The following CNKSR3 variants were observed in gnomAD, a reference collection of about 807,000 sequenced individuals.
CNKSR3 encodes the protein connector enhancer of kinase suppressor of ras 3.
CNKSR3 carries 36 observed loss-of-function variants against 67.7 expected under a neutral mutation model. That is an observed-to-expected ratio of 0.53 (90% CI 0.41 to 0.70). The LOEUF (loss-of-function observed/expected upper bound fraction) is 0.70. Among genes scored for constraint, CNKSR3 ranks in the 30% least tolerant of loss-of-function variants. The probability of loss-of-function intolerance (pLI) is 0.00; values close to 1 mark genes in which losing one functional copy is unlikely to be tolerated. For synonymous variants in CNKSR3, 281 were observed against 271.4 expected (o/e 1.04, Z -0.35); for missense variants, 630 against 695.2 (o/e 0.91, Z 1.05).
intron 1 of CNKSR3, among the ~76,000 whole-genome samples, chr6:154,455,134 A>AC (rs1341551852): frequency 3.4e-4 from 51 of 149,676 alleles, no homozygotes; most frequent in African/African-American, 1.2e-3. Flanking sequence ...ACATGGTGAA[A>AC]CCCCATCTCT....
At chr6:154,463,996 G>T (rs1183869450) in intron 1 of CNKSR3, among the ~76,000 whole-genome samples, 1 of 152,176 alleles carries the variant, frequency 6.6e-6, no homozygotes, top group African/African-American at 2.4e-5. Flanking sequence ...CCCATCAACA[G>T]GGCAGGAATT....
At chr6:154,454,915 A>T (rs1785919786) in intron 1 of CNKSR3, among the ~76,000 whole-genome samples, 1 of 152,140 alleles carries the variant, frequency 6.6e-6, no homozygotes, top group Admixed American at 6.5e-5. Context: ...CTATGTTATT[A>T]CCTTTCCCAG....
rs570344357 is a variant in CNKSR3 at position 154,441,177 on chromosome 6, C to A, written c.507+115G>T. 2.3e-5 allele frequency: 15 copies of A among 641,372 alleles called. No individual in the cohort carries two copies. The East Asian group carries it at 2.7e-4, about 11-fold the overall frequency. The allele number at this position is 641,372 out of a possible 1,614,324, so 39.7% of individuals were successfully genotyped here. On this transcript the variant is annotated intron_variant, in intron 4 of 12. Transcript: ENST00000607772. ...CTTCCCAGCTCTGATGGAAAAAAAA[C>A]TGAGGTGGGGAGAGGAGAGTAGTAC... is the stretch of plus-strand genomic sequence containing the variant.
chr6:154,464,139 T>C (rs145763851), intron 1 of CNKSR3, among the ~76,000 whole-genome samples: 13 of 152,342 alleles, frequency 8.5e-5, no homozygotes, highest in African/African-American at 3.1e-4. Context: ...TTTTGTTTCA[T>C]GCTTAATAAA....
At chr6:154,463,412 T>C (rs879640001) in intron 1 of CNKSR3, among the ~76,000 whole-genome samples, 3 of 150,086 alleles carry the variant, frequency 2.0e-5, no homozygotes, top group Non-Finnish European at 2.9e-5. Context: ...ATATTTATTA[T>C]GCAACCCACT....
At position 154,398,965 on chromosome 6, in the gene CNKSR3, GC is replaced by G. The variant is rs1784688542; in HGVS notation, c.*7388del. The G allele has an allele frequency of 6.6e-6, 1 of 152,064 alleles. No individual in the cohort carries two copies. The highest frequency in any genetic ancestry group is 2.4e-5 in the African/African-American group (1 of 41,368). 9.4% of individuals were successfully genotyped at this position (152,064 alleles called of 1,614,324 possible). On this transcript the variant is annotated 3_prime_UTR_variant, in exon 13 of 13. Transcript: ENST00000607772. ...GTGGTGGCACATGCCTGTAATCCCAGCTACTTGGGAGTCTGAGGCAGGAGAA... is the reference window on the plus strand; with the variant it reads ...GTGGTGGCACATGCCTGTAATCCCAGTACTTGGGAGTCTGAGGCAGGAGAA...
chr6:154,464,492 G>A (rs1422169960), intron 1 of CNKSR3, among the ~76,000 whole-genome samples: 6 of 152,040 alleles, frequency 3.9e-5, no homozygotes, highest in African/African-American at 1.4e-4. Context: ...CGAGGCCTGC[G>A]GAACATGAGG....
chr6:154,432,799 A>G (rs1220589247), intron 5 of CNKSR3, among the ~76,000 whole-genome samples: 2 of 152,246 alleles, frequency 1.3e-5, no homozygotes, highest in African/African-American at 2.4e-5. Flanking sequence ...TATTTCCCCA[A>G]TCAGACTCAT....
At chr6:154,488,955 C>T (rs1307301905) in intron 1 of CNKSR3, among the ~76,000 whole-genome samples, 2 of 152,260 alleles carry the variant, frequency 1.3e-5, no homozygotes, top group East Asian at 1.9e-4. Context: ...AGGAATGATG[C>T]GACAACCTCA....
At chr6:154,501,811 G>A (rs1787000704) in intron 1 of CNKSR3, among the ~76,000 whole-genome samples, 2 of 152,058 alleles carry the variant, frequency 1.3e-5, no homozygotes, top group Admixed American at 1.3e-4. Context: ...ACTAAAGCCG[G>A]GACTATGGAT....
intron 1 of CNKSR3, among the ~76,000 whole-genome samples, chr6:154,480,374 C>T (rs566279003): frequency 8.5e-5 from 13 of 152,290 alleles, no homozygotes; most frequent in East Asian, 3.9e-4. Flanking sequence ...GGATTCAACA[C>T]GGGTTATTTT....
chr6:154,461,125 T>G (rs1170039457), intron 1 of CNKSR3, among the ~76,000 whole-genome samples: 1 of 152,208 alleles, frequency 6.6e-6, no homozygotes, highest in African/African-American at 2.4e-5. Context: ...CAGTGGCTCA[T>G]GGATCCCTGC....
intron 1 of CNKSR3, among the ~76,000 whole-genome samples, chr6:154,451,470 C>T (rs1785824626): frequency 1.0e-5 from 1 of 98,154 alleles, no homozygotes; most frequent in South Asian, 3.6e-4. Flanking sequence ...CCCCACCAAA[C>T]GCGCACACAC....
At chr6:154,416,916 A>G (rs886372979) in intron 9 of CNKSR3, among the ~76,000 whole-genome samples, 12 of 152,200 alleles carry the variant, frequency 7.9e-5, no homozygotes, top group Admixed American at 7.9e-4. Flanking sequence ...CCTCTTCCCC[A>G]AACTGCAGCT....
At chr6:154,505,123 ATC>A (rs1444441963) in intron 1 of CNKSR3, among the ~76,000 whole-genome samples, 2 of 151,518 alleles carry the variant, frequency 1.3e-5, no homozygotes, top group Non-Finnish European at 2.9e-5. Context: ...CTAAACTGGA[ATC>A]AAGGTAACAG....
intron 1 of CNKSR3, among the ~76,000 whole-genome samples, chr6:154,501,963 G>A (rs1470540652): frequency 6.6e-6 from 1 of 152,128 alleles, no homozygotes; most frequent in African/African-American, 2.4e-5. Context: ...GAATGGAATT[G>A]TCATAAATTA....
rs1784721780 is a variant in CNKSR3 at position 154,401,988 on chromosome 6, G to A, written c.*4366C>T. On this transcript the variant is annotated 3_prime_UTR_variant, in exon 13 of 13. Transcript: ENST00000607772. ...CCAGGGAAAAAATTAAAAAAAGAAA[G>A]CCCACAAAATAGATTCTGAAATTTC... The A allele has an allele frequency of 1.3e-5, 2 of 152,108 alleles. No individual in the cohort carries two copies. The highest frequency in any genetic ancestry group is 4.1e-4 in the South Asian group (2 of 4,824). The allele number at this position is 152,108 out of a possible 1,614,324, so 9.4% of individuals were successfully genotyped here. A position where few individuals can be genotyped will look rare whatever the true frequency, so the allele number is the denominator to read the frequency against.
chr6:154,450,622 G>A (rs554701383), intron 1 of CNKSR3, among the ~76,000 whole-genome samples: 3 of 152,220 alleles, frequency 2.0e-5, no homozygotes, highest in South Asian at 2.1e-4. Context: ...CCCATCCCAC[G>A]TAATCCCAGG....
intron 9 of CNKSR3, among the ~76,000 whole-genome samples, chr6:154,416,441 G>T (rs759057149): frequency 6.6e-6 from 1 of 152,082 alleles, no homozygotes; most frequent in Non-Finnish European, 1.5e-5. Context: ...TGTCAATTTC[G>T]GACCATATCT....
Sources: allele counts gnomAD v4.1 joint callset (sites outside exome capture counted in the v4.1 genomes callset), GRCh38; gene constraint gnomAD v4.1.1; transcripts MANE v1.5; gene names NCBI Gene and HGNC (gene_info 2026-07-23, HGNC 2026-07-21).